CHD8: variants seen among roughly 807,000 people sequenced by gnomAD.
CHD8 encodes the protein ATP-dependent chromatin remodeler CHD8.
A neutral mutation model predicts 279.2 loss-of-function variants in CHD8; 31 were observed. The ratio of observed to expected loss-of-function variants is 0.11; its 90% CI spans 0.08 to 0.15. The LOEUF (loss-of-function observed/expected upper bound fraction) is 0.15. CHD8 is among the 10% of genes least tolerant of loss of function. The probability of loss-of-function intolerance (pLI) is 1.00; values close to 1 mark genes in which losing one functional copy is unlikely to be tolerated. For missense variants in CHD8, 2,146 were observed against 3,230.5 expected (o/e 0.66, Z 8.14); for synonymous variants, 1,081 against 1,139.6 (o/e 0.95, Z 1.04).
chr14:21,391,405 T>A (rs958745861), intron 36 of CHD8, 58 bp downstream of exon 36: 4 of 1,506,714 alleles, frequency 2.7e-6, no homozygotes, highest in African/African-American at 1.4e-5. Flanking sequence ...CTCTTTCTCA[T>A]GCAGCTTAAA....
At chr14:21,401,637 TACAGTGGCAC>T in intron 20 of CHD8, 124 bp from the exon 21 acceptor site, 1 of 645,086 alleles carries the variant, frequency 1.6e-6, no homozygotes, top group Non-Finnish European at 2.6e-6. Flanking sequence ...CAGGCTGGGG[TACAGTGGCAC>T]GATCTCCGCT....
intron 1 of CHD8, among the ~76,000 whole-genome samples, chr14:21,447,715 CT>C (rs879794058): frequency 5.9e-4 from 86 of 146,958 alleles, no homozygotes; most frequent in African/African-American, 1.5e-3. Context: ...AGCATGGATT[CT>C]TTTTTTTTTT....
At position 21,400,395 on chromosome 14, in the gene CHD8, T is replaced by G; in HGVS notation, c.4570+18A>C. 2.5e-6 allele frequency: 4 copies of G among 1,599,010 alleles called. No individual in the cohort carries two copies. The highest frequency in any genetic ancestry group is 3.4e-6 in the Non-Finnish European group (4 of 1,175,242). On this transcript the variant is annotated intron_variant, in intron 23 of 37. Transcript: ENST00000646647. The surrounding 1 kb of genome is among the most constrained non-coding windows in gnomAD (Gnocchi z 4.2). Reference sequence around the variant, plus strand: ...GATTAACCTATAGAAAAACATAAAGTAAAGAGTTGATAATTACCTGAATGA... The same window carrying G: ...GATTAACCTATAGAAAAACATAAAGGAAAGAGTTGATAATTACCTGAATGA...
intron 1 of CHD8, among the ~76,000 whole-genome samples, chr14:21,437,469 A>G (rs1889837669): frequency 1.3e-5 from 2 of 152,208 alleles, no homozygotes; most frequent in South Asian, 2.1e-4. Context: ...CTTGCTTGAA[A>G]AAAGGGGGCT....
intron 35 of CHD8, 37 bp downstream of exon 35, chr14:21,391,796 T>A (rs369733083): frequency 6.4e-7 from 1 of 1,555,266 alleles, no homozygotes; most frequent in Non-Finnish European, 8.9e-7. Context: ...AAAAAGACAA[T>A]CTAATCGTCA....
intron 32 of CHD8, 80 bp from the exon 33 acceptor site, chr14:21,393,334 A>T: frequency 6.4e-7 from 1 of 1,559,256 alleles, no homozygotes. Context: ...TGGGCTTTGA[A>T]TAAAGGCCCA....
rs538550656 is a variant in CHD8 at position 21,402,656 on chromosome 14, ACCC to A, written c.3715-156_3715-154del. On this transcript the variant is annotated intron_variant, in intron 18 of 37. Coordinates refer to ENST00000646647, the MANE Select transcript of CHD8 (RefSeq NM_001170629.2). The surrounding 1 kb of genome is among the most constrained non-coding windows in gnomAD (Gnocchi z 4.5). ...GAGTCAATTTCAAGATGAAATTATC[ACCC>A]CATCATGTAGACCAGGGGTCAGCAA... 6.6e-5 allele frequency among the ~76,000 whole-genome samples: 10 copies of A among 152,338 alleles called. No homozygotes were observed. In the South Asian group the frequency reaches 2.1e-3, roughly 32 times the overall value.
At chr14:21,423,901 C>T (rs1889171543) in intron 5 of CHD8, among the ~76,000 whole-genome samples, 2 of 152,172 alleles carry the variant, frequency 1.3e-5, no homozygotes, top group African/African-American at 2.4e-5. Context: ...AAGAAACTCG[C>T]TCAGAGTGAC....
chr14:21,417,198 G>A (rs1033213146), intron 5 of CHD8, among the ~76,000 whole-genome samples: 6 of 152,124 alleles, frequency 3.9e-5, no homozygotes, highest in Admixed American at 1.3e-4. Flanking sequence ...TTTTTGGTGA[G>A]AGTACATATA....
At chr14:21,425,524 C>A (rs998830950) in intron 5 of CHD8, 3 of 151,860 alleles carry the variant, frequency 2.0e-5, no homozygotes, top group Non-Finnish European at 2.9e-5. Flanking sequence ...GGGGTTTCAC[C>A]ACGTTGACCG....
chr14:21,403,410 A>G lies in CHD8; in HGVS notation c.3518+43T>C, dbSNP rs1036445221. On this transcript the variant is annotated intron_variant, in intron 17 of 37. Transcript: ENST00000646647. This position sits in a 1 kb window ranked among gnomAD's most constrained non-coding sequence, Gnocchi z 4.3. ...AGGCCCTCCTACTTTTTGCTGCTTT[A>G]TGAGGACAGAGTAACCACAGGCTAG... 15 of 1,505,846 alleles carry G rather than the reference A, an allele frequency of 1.0e-5. No individual in the cohort carries two copies. The highest frequency in any genetic ancestry group is 1.4e-5 in the African/African-American group (1 of 72,386). The allele number at this position is 1,505,846 out of a possible 1,614,324, so 93.3% of individuals were successfully genotyped here. A position where few individuals can be genotyped will look rare whatever the true frequency, so the allele number is the denominator to read the frequency against.
chr14:21,408,360 G>A lies in CHD8; in HGVS notation c.2682C>T (p.Ala894=). ...CATACTGTTGAATCATCTGCCTGCT[G>A]GCCAGACTGCCATGGTACACAATAG... ...MNTIVYHGSL[A]SRQMIQQYEM... Residue 894 remains alanine, a synonymous_variant, in exon 13 of 38, where the codon GCC becomes GCT. Transcript: ENST00000646647. The surrounding 1 kb of genome is among the most constrained non-coding windows in gnomAD (Gnocchi z 4.3). The A allele has an allele frequency of 6.2e-7, 1 of 1,613,878 alleles. No individual in the cohort carries two copies. Among genetic ancestry groups the A allele is most frequent in the Non-Finnish European group, 8.5e-7 (1 of 1,179,852 alleles).
intron 1 of CHD8, among the ~76,000 whole-genome samples, chr14:21,440,888 G>T (rs940327552): frequency 6.6e-6 from 1 of 152,168 alleles, no homozygotes; most frequent in African/African-American, 2.4e-5. Context: ...AAGCAGTTAG[G>T]AGGCTGCTGA....
In CHD8 at chr14:21,429,333, A is replaced by G. The variant is rs919583163; in HGVS notation, c.846T>C (p.Gly282=). 6.2e-7 allele frequency: 1 copy of G among 1,601,862 alleles called. No homozygotes were observed. The highest frequency in any genetic ancestry group is 1.7e-5 in the Admixed American group (1 of 59,440). The change falls in exon 3 of 38, where the codon GGT becomes GGC. Residue 282 remains glycine (G), a splice_region_variant and synonymous_variant. Coordinates refer to ENST00000646647, the MANE Select transcript of CHD8 (RefSeq NM_001170629.2). ...AVTLTSTPTQ[G]ESKRITLVLQ... ...GGACCAGGGTGATGCGTTTCGATTC[A>G]CCCTAAAGTGAAGAAAGGAAATTGC...
rs1064795453 is a variant in CHD8, at chr14:21,385,752, G to T, written c.7607C>A (p.Pro2536His). The change falls in exon 38 of 38, where the codon CCT (proline) becomes CAT (histidine). Residue 2536 changes from proline (P) to histidine (H), a missense_variant. Physicochemically the swap from Pro to His is moderately conservative, Grantham distance 77. Transcript: ENST00000646647. ...TTCATCCTCATCGTCATCCTCCTCA[G>T]GTTGCAGTGGTGGCAACCGCAAGGT... ...GTTLRLPPLQ[P>H]EEDDDEDEED... 3 of 1,551,350 alleles carry T rather than the reference G, an allele frequency of 1.9e-6. No individual in the cohort carries two copies. The highest frequency in any genetic ancestry group is 2.6e-6 in the Non-Finnish European group (3 of 1,146,914).
In CHD8 at chr14:21,393,161, A is replaced by G; in HGVS notation, c.6413T>C (p.Met2138Thr). The G allele has an allele frequency of 1.5e-5, 25 of 1,613,966 alleles. No homozygotes were observed. Among genetic ancestry groups the G allele is most frequent in the Non-Finnish European group, 2.1e-5 (25 of 1,179,890 alleles). The stretch of plus-strand genomic sequence containing the variant: ...CTGCAGTAGCAGAAGCTCAGGGGTC[A>G]TTTGTTCTCCATCTTCATTTGGGAA... ...DGFPNEDGEQ[M>T]TPELLLLQER... Residue 2138 changes from methionine to threonine, a missense_variant, in exon 33 of 38, where the codon ATG becomes ACG. By Grantham distance (81) the Met-to-Thr change is moderately conservative. Transcript: ENST00000646647.
chr14:21,428,508 A>G (rs1889423633), intron 3 of CHD8, among the ~76,000 whole-genome samples: 2 of 152,170 alleles, frequency 1.3e-5, no homozygotes, highest in Admixed American at 1.3e-4. Flanking sequence ...ATACATCTCC[A>G]TTACCTCAGA....
At chr14:21,433,612 T>C (rs1889653740) in intron 1 of CHD8, among the ~76,000 whole-genome samples, 1 of 152,172 alleles carries the variant, frequency 6.6e-6, no homozygotes, top group Non-Finnish European at 1.5e-5. Flanking sequence ...TATGGGTTAA[T>C]ATATCAGATA....
At chr14:21,440,426 C>T (rs1462157043) in intron 1 of CHD8, among the ~76,000 whole-genome samples, 1 of 152,106 alleles carries the variant, frequency 6.6e-6, no homozygotes, top group Non-Finnish European at 1.5e-5. Context: ...AGGCTGGTCT[C>T]GAACTCCTGA....
Sources: gnomAD v4.1 joint callset for allele counts (sites outside exome capture counted in the v4.1 genomes callset) on GRCh38, gnomAD v4.1.1 for gene constraint, Gnocchi (gnomAD v3.1) non-coding constraint, MANE v1.5 for transcripts, NCBI Gene and HGNC (gene_info 2026-07-23, HGNC 2026-07-21) for gene names.